OPCML: variants seen among roughly 807,000 people sequenced by gnomAD.
OPCML encodes the protein opioid-binding protein/cell adhesion molecule.
A neutral mutation model predicts 37.8 loss-of-function variants in OPCML; 13 were observed. The ratio of observed to expected loss-of-function variants is 0.34; its 90% confidence interval spans 0.22 to 0.55. OPCML has a LOEUF of 0.55. Among genes scored for constraint, OPCML ranks in the 20% least tolerant of loss-of-function variants. The pLI, the probability that OPCML is intolerant of heterozygous loss-of-function variation, is 0.91. For missense variants in OPCML, 341 were observed against 435.6 expected (o/e 0.78, Z 1.93); for synonymous variants, 176 against 168.8 (o/e 1.04, Z -0.33).
chr11:133,459,462 A>C (rs1402272533), intron 1 of OPCML, among the ~76,000 whole-genome samples: 1 of 152,056 alleles, frequency 6.6e-6, no homozygotes, highest in Admixed American at 6.6e-5. Context: ...ATCCAAGCAT[A>C]TCCTATATAT....
rs566263196 is a variant in OPCML, at chr11:132,723,744, A to G, written c.147-66425T>C. ...CACTGTTGTTAACTGCAGGCATGTG[A>G]AGAGAAATCACATACATTAATCTAT... On this transcript the variant is annotated intron_variant, in intron 2 of 7. Coordinates refer to ENST00000524381, the MANE Select transcript of OPCML (RefSeq NM_001012393.5). Among the ~76,000 whole-genome samples the G allele has an allele frequency of 2.0e-5, 3 of 152,340 alleles. No homozygotes were observed. In the South Asian group the frequency reaches 6.2e-4, roughly 32 times the overall value.
intron 1 of OPCML, chr11:133,298,326 T>C (rs1942680312): frequency 6.6e-6 from 1 of 152,010 alleles, no homozygotes; most frequent in Admixed American, 6.6e-5. Context: ...AAGAGAGGGA[T>C]GGTAAAAATA....
Position 133,052,789 on chromosome 11 carries a change from T to A in OPCML, c.62-109779A>T, listed in dbSNP as rs776267916. 1.3e-5 allele frequency among the ~76,000 whole-genome samples: 2 copies of A among 152,220 alleles called. 1 individual carries two copies. Among genetic ancestry groups the A allele is most frequent in the South Asian group, 4.1e-4 (2 of 4,826 alleles). Reference sequence around the variant, plus strand: ...CCAAATGGTTGGAAGTGAGCCATGATCTGCTAGACGCCAGCACATGGGGAA... The same window carrying A: ...CCAAATGGTTGGAAGTGAGCCATGAACTGCTAGACGCCAGCACATGGGGAA... On this transcript the variant is annotated intron_variant, in intron 1 of 7. Coordinates refer to ENST00000524381, the MANE Select transcript of OPCML (RefSeq NM_001012393.5).
intron 2 of OPCML, among the ~76,000 whole-genome samples, chr11:132,797,404 C>A (rs1938390845): frequency 6.6e-6 from 1 of 152,174 alleles, no homozygotes; most frequent in Admixed American, 6.5e-5. Flanking sequence ...TGTCAAATGC[C>A]AATTAACTTT....
At chr11:133,271,405 T>C (rs1332894713) in intron 1 of OPCML, among the ~76,000 whole-genome samples, 1 of 152,146 alleles carries the variant, frequency 6.6e-6, no homozygotes, top group African/African-American at 2.4e-5. Context: ...GAATCTAAAC[T>C]GAAAACATGA....
At chr11:132,638,412 C>G (rs1164112134) in intron 3 of OPCML, among the ~76,000 whole-genome samples, 1 of 151,958 alleles carries the variant, frequency 6.6e-6, no homozygotes, top group Non-Finnish European at 1.5e-5. Flanking sequence ...ATAGTTTAAC[C>G]TTAAAGCAAG....
rs148566919 is a variant in OPCML at position 132,485,379 on chromosome 11, G to T, written c.505+43682C>A. The stretch of plus-strand genomic sequence containing the variant: ...GTGTTTTTTGTTTGTTTGTTTGTTT[G>T]TTTTGAGTTATAATTTACATACAAC... On this transcript the variant is annotated intron_variant, in intron 4 of 7. Transcript: ENST00000524381. 2.6e-5 allele frequency among the ~76,000 whole-genome samples: 4 copies of T among 152,246 alleles called. No homozygotes were observed. In the East Asian group the frequency reaches 7.7e-4, roughly 29 times the overall value.
chr11:133,437,358 G>A (rs952787000), intron 1 of OPCML, among the ~76,000 whole-genome samples: 9 of 152,216 alleles, frequency 5.9e-5, no homozygotes, highest in African/African-American at 2.2e-4. Context: ...TTCTCTCTGG[G>A]CATCACCTTT....
At chr11:132,683,365 A>T (rs779578900) in intron 2 of OPCML, among the ~76,000 whole-genome samples, 1 of 152,072 alleles carries the variant, frequency 6.6e-6, no homozygotes, top group Non-Finnish European at 1.5e-5. Context: ...AGAGAGTGAG[A>T]CTCTGTCTCA....
intron 1 of OPCML, among the ~76,000 whole-genome samples, chr11:133,385,857 G>A (rs1046419768): frequency 1.3e-4 from 20 of 152,326 alleles, no homozygotes; most frequent in African/African-American, 4.3e-4. Flanking sequence ...AGAAGCTGGA[G>A]TAACAGCAAG....
chr11:133,222,287 A>C (rs1043580072), intron 1 of OPCML, among the ~76,000 whole-genome samples: 30 of 152,286 alleles, frequency 2.0e-4, no homozygotes, highest in African/African-American at 7.0e-4. Flanking sequence ...AAACAGGGAG[A>C]GGTTTCAGAG....
At chr11:133,266,434 G>T (rs934603238) in intron 1 of OPCML, among the ~76,000 whole-genome samples, 1 of 151,978 alleles carries the variant, frequency 6.6e-6, no homozygotes. Flanking sequence ...TCTCCCCCTG[G>T]TCTCTAAGTC....
intron 1 of OPCML, among the ~76,000 whole-genome samples, chr11:133,418,979 G>A (rs940332046): frequency 2.6e-5 from 4 of 152,138 alleles, no homozygotes; most frequent in African/African-American, 9.7e-5. Context: ...GACTGACTCA[G>A]TGCACAAGAA....
At chr11:133,099,973 TG>T (rs35460478) in intron 1 of OPCML, among the ~76,000 whole-genome samples, 2 of 152,304 alleles carry the variant, frequency 1.3e-5, no homozygotes, top group East Asian at 3.9e-4. Flanking sequence ...ATATATACCA[TG>T]GAATACTATG....
intron 2 of OPCML, among the ~76,000 whole-genome samples, chr11:132,854,736 C>G (rs1283572072): frequency 2.0e-5 from 3 of 152,242 alleles, no homozygotes; most frequent in Non-Finnish European, 4.4e-5. Flanking sequence ...AGTTGATAGA[C>G]ATCAGGGTTG....
chr11:132,789,142 A>C (rs1261392648), intron 2 of OPCML, among the ~76,000 whole-genome samples: 1 of 152,034 alleles, frequency 6.6e-6, no homozygotes, highest in Non-Finnish European at 1.5e-5. Flanking sequence ...TGACCCTACA[A>C]ATCTAAATTA....
chr11:132,776,572 C>G (rs1334757384), intron 2 of OPCML, among the ~76,000 whole-genome samples: 1 of 150,612 alleles, frequency 6.6e-6, no homozygotes, highest in Admixed American at 6.6e-5. Flanking sequence ...AGCACTTCCC[C>G]CTCTCTCTCT....
At chr11:132,578,621 G>T (rs2096455931) in intron 3 of OPCML, among the ~76,000 whole-genome samples, 1 of 152,096 alleles carries the variant, frequency 6.6e-6, no homozygotes, top group South Asian at 2.1e-4. Context: ...GCTTACAATG[G>T]TTCAGAATGT....
intron 2 of OPCML, among the ~76,000 whole-genome samples, chr11:132,755,214 A>G (rs754268133): frequency 7.2e-5 from 11 of 152,162 alleles, no homozygotes; most frequent in Non-Finnish European, 1.5e-4. Flanking sequence ...ATATTTTGCC[A>G]TATTTGCTTC....
Sources: allele counts gnomAD v4.1 joint callset (sites outside exome capture counted in the v4.1 genomes callset), GRCh38; gene constraint gnomAD v4.1.1; transcripts MANE v1.5; gene names NCBI Gene and HGNC (gene_info 2026-07-23, HGNC 2026-07-21).